RAVER2: variants seen among roughly 807,000 people sequenced by gnomAD.
RAVER2 encodes the protein ribonucleoprotein PTB-binding 2.
Under a neutral mutation model 78.1 loss-of-function variants are expected in RAVER2, and 46 were observed. That is an observed-to-expected ratio of 0.59 (90% CI 0.46 to 0.75). The LOEUF (loss-of-function observed/expected upper bound fraction) is 0.75, where lower values mean the gene tolerates loss of function less well. Among genes scored for constraint, RAVER2 ranks in the 30% least tolerant of loss-of-function variants. The probability of loss-of-function intolerance (pLI) is 0.00; values close to 1 mark genes in which losing one functional copy is unlikely to be tolerated. For synonymous variants in RAVER2, 311 were observed against 313.3 expected (o/e 0.99, Z 0.08); for missense variants, 793 against 837.5 (o/e 0.95, Z 0.66).
At position 64,802,969 on chromosome 1, in the gene RAVER2, C is replaced by T; in HGVS notation, c.1106-7C>T. 1 of 1,581,872 alleles carries T rather than the reference C, an allele frequency of 6.3e-7. No individual in the cohort carries two copies. On this transcript the variant is annotated splice_region_variant and splice_polypyrimidine_tract_variant and intron_variant, in intron 5 of 11. Coordinates refer to ENST00000294428, the Ensembl canonical transcript of RAVER2. The stretch of plus-strand genomic sequence containing the variant: ...AAATTAAAGTTTTTACTTTTATTTT[C>T]TCAAAGCCGTTCTTGGAACACCTCA...
At chr1:64,754,760 T>G (rs536083583) in intron 1 of RAVER2, among the ~76,000 whole-genome samples, 1 of 152,300 alleles carries the variant, frequency 6.6e-6, no homozygotes, top group East Asian at 1.9e-4. Context: ...CTGTTGCAGG[T>G]CAACAAAATT....
intron 1 of RAVER2, among the ~76,000 whole-genome samples, chr1:64,755,795 A>C (rs1234295310): frequency 6.8e-6 from 1 of 147,806 alleles, no homozygotes; most frequent in African/African-American, 2.5e-5. Flanking sequence ...ATAAGCAAGA[A>C]CATGTGAATC....
intron 11 of RAVER2, among the ~76,000 whole-genome samples, chr1:64,820,508 C>T (rs775617086): frequency 1.1e-4 from 16 of 151,972 alleles, no homozygotes; most frequent in Non-Finnish European, 1.9e-4. Context: ...ATTTCATCAC[C>T]GAGGTATTAA....
intron 11 of RAVER2, 55 bp from the exon 12 acceptor site, chr1:64,830,784 A>G (rs950394966): frequency 3.5e-6 from 5 of 1,447,228 alleles, no homozygotes; most frequent in Non-Finnish European, 3.8e-6. Flanking sequence ...AAATATCTTT[A>G]ATGAATAAGC....
chr1:64,817,901 TA>T (rs1217616319), intron 11 of RAVER2, among the ~76,000 whole-genome samples: 11 of 148,290 alleles, frequency 7.4e-5, no homozygotes, highest in African/African-American at 1.2e-4. Context: ...TAAAGTATAA[TA>T]AAAAAAAAAC....
intron 10 of RAVER2, among the ~76,000 whole-genome samples, 172 bp downstream of exon 10, chr1:64,813,021 G>A (rs1434931195): frequency 6.6e-6 from 1 of 152,160 alleles, no homozygotes; most frequent in Non-Finnish European, 1.5e-5. Context: ...CAAAATGCGT[G>A]CTATTTTATT....
intron 1 of RAVER2, among the ~76,000 whole-genome samples, chr1:64,751,186 T>A (rs1005845906): frequency 4.6e-5 from 7 of 152,262 alleles, no homozygotes; most frequent in African/African-American, 1.7e-4. Flanking sequence ...ACTTGTGACA[T>A]GTTTTCACAT....
At chr1:64,752,932 A>T (rs1388831711) in intron 1 of RAVER2, among the ~76,000 whole-genome samples, 5 of 152,152 alleles carry the variant, frequency 3.3e-5, no homozygotes, top group Admixed American at 1.3e-4. Context: ...CTGACCTTGG[A>T]GGGGAAATGT....
chr1:64,796,981 G>A (rs1653112579), intron 5 of RAVER2, among the ~76,000 whole-genome samples: 1 of 152,032 alleles, frequency 6.6e-6, no homozygotes, highest in Non-Finnish European at 1.5e-5. Context: ...TATTTGGTCA[G>A]TTGGTTATTT....
chr1:64,808,716 C>T (rs1343044623), intron 9 of RAVER2, among the ~76,000 whole-genome samples: 4 of 152,136 alleles, frequency 2.6e-5, no homozygotes, highest in African/African-American at 7.2e-5. Flanking sequence ...CCCGCCTCGG[C>T]TTCCCAATGT....
intron 4 of RAVER2, among the ~76,000 whole-genome samples, chr1:64,782,883 C>A (rs1482533855): frequency 6.6e-6 from 1 of 152,164 alleles, no homozygotes; most frequent in East Asian, 1.9e-4. Flanking sequence ...ATCCCCCAGC[C>A]CCCTACCCCG....
chr1:64,771,342 T>G (rs1652312699), intron 2 of RAVER2, among the ~76,000 whole-genome samples: 1 of 151,750 alleles, frequency 6.6e-6, no homozygotes, highest in Admixed American at 6.6e-5. Context: ...TCAAAAACAG[T>G]GATGAAATAG....
chr1:64,754,892 A>G (rs1241875001), intron 1 of RAVER2, among the ~76,000 whole-genome samples: 1 of 152,232 alleles, frequency 6.6e-6, no homozygotes, highest in Non-Finnish European at 1.5e-5. Context: ...GGGTTTGGGT[A>G]GTGATCCTTT....
chr1:64,824,436 G>A (rs1653960235), intron 11 of RAVER2, among the ~76,000 whole-genome samples: 1 of 152,156 alleles, frequency 6.6e-6, no homozygotes, highest in South Asian at 2.1e-4. Flanking sequence ...AATGCTGTGT[G>A]GATTTTTGTA....
chr1:64,763,811 G>C (rs948041228), intron 1 of RAVER2, among the ~76,000 whole-genome samples: 2 of 152,056 alleles, frequency 1.3e-5, no homozygotes, highest in African/African-American at 2.4e-5. Flanking sequence ...GCTGAGGCTG[G>C]AGAATCACTT....
At chr1:64,763,917 T>TACACACACAAAC (rs1652096713) in intron 1 of RAVER2, among the ~76,000 whole-genome samples, 1 of 133,738 alleles carries the variant, frequency 7.5e-6, no homozygotes, top group Non-Finnish European at 1.6e-5. Flanking sequence ...AAAACAAAAA[T>TACACACACAAAC]ACACACACAC....
intron 1 of RAVER2, among the ~76,000 whole-genome samples, chr1:64,766,893 A>G (rs1398678216): frequency 2.6e-5 from 4 of 152,182 alleles, no homozygotes. Flanking sequence ...AGAGTACAGT[A>G]GATGTTTTTG....
At chr1:64,779,354 A>T (rs1222246343) in intron 3 of RAVER2, among the ~76,000 whole-genome samples, 1 of 151,672 alleles carries the variant, frequency 6.6e-6, no homozygotes, top group Non-Finnish European at 1.5e-5. Flanking sequence ...GCTTCCGCAC[A>T]TGGGTGAAAT....
intron 1 of RAVER2, among the ~76,000 whole-genome samples, chr1:64,767,612 C>G (rs1652209008): frequency 6.6e-6 from 1 of 152,090 alleles, no homozygotes; most frequent in South Asian, 2.1e-4. Context: ...GGCTGTAACT[C>G]TCTAATCTGG....
Sources: gnomAD v4.1 joint callset for allele counts (sites outside exome capture counted in the v4.1 genomes callset) on GRCh38, gnomAD v4.1.1 for gene constraint, MANE v1.5 for transcripts, NCBI Gene and HGNC (gene_info 2026-07-23, HGNC 2026-07-21) for gene names.